FAM107B: variants seen among roughly 807,000 people sequenced by gnomAD.
FAM107B encodes the protein family with sequence similarity 107 member B, also known as protein FAM107B.
A neutral mutation model predicts 31.5 loss-of-function variants in FAM107B; 21 were observed. That is an observed-to-expected ratio of 0.67 (90% CI 0.47 to 0.96). The LOEUF (loss-of-function observed/expected upper bound fraction) is 0.96, where lower values mean the gene tolerates loss of function less well. Among genes scored for constraint, FAM107B ranks in the 40% least tolerant of loss-of-function variants. The pLI is 0.00. For synonymous variants in FAM107B, 157 were observed against 141.5 expected, an observed-to-expected ratio of 1.11 and a Z score of -0.78; for missense variants, 452 against 377.1, an observed-to-expected ratio of 1.20 and a Z score of -1.64.
chr10:14,761,065 T>C (rs1014127946), intron 1 of FAM107B, among the ~76,000 whole-genome samples: 1 of 150,782 alleles, frequency 6.6e-6, no homozygotes, highest in Non-Finnish European at 1.5e-5. Flanking sequence ...CTAGAGGGTG[T>C]TTAATGAGAA....
intron 2 of FAM107B, among the ~76,000 whole-genome samples, chr10:14,581,083 G>A (rs148852795): frequency 2.4e-3 from 371 of 152,340 alleles, no homozygotes; most frequent in African/African-American, 8.4e-3. Flanking sequence ...AGGTTCTAGC[G>A]GCCGGGCCAG....
chr10:14,582,986 TA>T (rs1314355292), intron 2 of FAM107B, among the ~76,000 whole-genome samples: 5 of 149,050 alleles, frequency 3.4e-5, no homozygotes, highest in Non-Finnish European at 7.4e-5. Flanking sequence ...CTTGGGAGGC[TA>T]AGGCAGGAGA....
chr10:14,706,554 T>TA (rs1225931230), intron 1 of FAM107B, among the ~76,000 whole-genome samples: 1 of 152,194 alleles, frequency 6.6e-6, no homozygotes. Flanking sequence ...GGGATGTATG[T>TA]TACATGTATG....
chr10:14,590,943 C>G (rs1851996288), intron 2 of FAM107B, among the ~76,000 whole-genome samples: 2 of 137,582 alleles, frequency 1.5e-5, no homozygotes, highest in South Asian at 4.6e-4. Flanking sequence ...GAGCCGAGAT[C>G]GTTCCACTGC....
At chr10:14,547,077 CA>C (rs1848760971) in intron 2 of FAM107B, among the ~76,000 whole-genome samples, 1 of 152,226 alleles carries the variant, frequency 6.6e-6, no homozygotes, top group Non-Finnish European at 1.5e-5. Flanking sequence ...ATTCCACCTT[CA>C]AATCACCCAG....
intron 2 of FAM107B, among the ~76,000 whole-genome samples, chr10:14,645,287 C>T (rs73589375): frequency 4.3e-4 from 65 of 152,322 alleles, no homozygotes; most frequent in African/African-American, 1.4e-3. Flanking sequence ...TACTGCCTGT[C>T]TCGCATTCTC....
At chr10:14,639,372 G>C (rs1853577567) in intron 2 of FAM107B, among the ~76,000 whole-genome samples, 1 of 151,998 alleles carries the variant, frequency 6.6e-6, no homozygotes, top group South Asian at 2.1e-4. Flanking sequence ...TATCTGTTCT[G>C]GGTACAGTCC....
At chr10:14,544,234 T>C (rs796919640) in intron 2 of FAM107B, among the ~76,000 whole-genome samples, 7 of 152,318 alleles carry the variant, frequency 4.6e-5, no homozygotes, top group African/African-American at 1.7e-4. Flanking sequence ...CTAGCAGCAG[T>C]AGTCACCCAT....
At chr10:14,641,175 T>C (rs1564611322) in intron 2 of FAM107B, among the ~76,000 whole-genome samples, 1 of 152,262 alleles carries the variant, frequency 6.6e-6, no homozygotes, top group Non-Finnish European at 1.5e-5. Flanking sequence ...CTGTAGTTTT[T>C]TTCTTAGGTA....
chr10:14,610,852 C>A (rs1422567816), intron 2 of FAM107B, among the ~76,000 whole-genome samples: 1 of 152,178 alleles, frequency 6.6e-6, no homozygotes, highest in Non-Finnish European at 1.5e-5. Flanking sequence ...GAGTACTTTG[C>A]CAATTCTAGA....
At chr10:14,605,250 C>G (rs1306769670) in intron 2 of FAM107B, among the ~76,000 whole-genome samples, 2 of 152,202 alleles carry the variant, frequency 1.3e-5, no homozygotes, top group East Asian at 1.9e-4. Context: ...TATTCCGCCT[C>G]TTTGCTCTCT....
In FAM107B at chr10:14,575,927, T is replaced by C. The variant is rs541112033; in HGVS notation, c.470-45412A>G. ...TTTTCAGCCTTAAAAAGGAAGGAAA[T>C]TGTCATACATGCTACCACATAGACA... is the stretch of plus-strand genomic sequence containing the variant. On this transcript the variant is annotated intron_variant, in intron 2 of 4. Transcript: ENST00000181796. Among the ~76,000 whole-genome samples, 6 of 152,230 alleles carry C rather than the reference T, an allele frequency of 3.9e-5. No homozygotes were observed. In the East Asian group the frequency reaches 9.7e-4, roughly 24 times the overall value.
chr10:14,688,448 GGCATGCATACACACACAT>G (rs1042183597), intron 1 of FAM107B, among the ~76,000 whole-genome samples: 1 of 151,982 alleles, frequency 6.6e-6, no homozygotes, highest in African/African-American at 2.4e-5. Flanking sequence ...CACACACACA[GGCATGCATACACACACAT>G]GCATGTACAC....
At chr10:14,551,162 T>C (rs895887149) in intron 2 of FAM107B, among the ~76,000 whole-genome samples, 4 of 152,226 alleles carry the variant, frequency 2.6e-5, no homozygotes, top group African/African-American at 9.6e-5. Flanking sequence ...AGTCATTCTC[T>C]ACATTTTGGT....
chr10:14,757,211 T>C (rs989063746), intron 1 of FAM107B, among the ~76,000 whole-genome samples: 1 of 151,888 alleles, frequency 6.6e-6, no homozygotes, highest in African/African-American at 2.4e-5. Flanking sequence ...ACAAAAACCA[T>C]ACAAGTTGCT....
intron 2 of FAM107B, among the ~76,000 whole-genome samples, chr10:14,640,842 T>C (rs1853609407): frequency 1.3e-5 from 2 of 152,198 alleles, no homozygotes; most frequent in South Asian, 4.1e-4. Context: ...CAAAGGATAT[T>C]GGCACACTGC....
intron 1 of FAM107B, among the ~76,000 whole-genome samples, chr10:14,753,755 A>G (rs1215623671): frequency 6.6e-6 from 1 of 152,084 alleles, no homozygotes; most frequent in Non-Finnish European, 1.5e-5. Flanking sequence ...CTGTTTCTCA[A>G]AGAAGAGAAG....
rs980947331 is a variant in FAM107B, at chr10:14,637,177, C to T, written c.469+30457G>A. Among the ~76,000 whole-genome samples, 5 of 152,208 alleles carry T rather than the reference C, an allele frequency of 3.3e-5. No homozygotes were observed. The East Asian group carries it at 5.8e-4, about 18-fold the overall frequency. ...GTCATTCCTCAAGGTCTCGGCTTCA[C>T]GAGGGTCTTATTTCTAACACCATGC... On this transcript the variant is annotated intron_variant, in intron 2 of 4. Transcript: ENST00000181796.
chr10:14,629,518 TA>T (rs1490059901), intron 2 of FAM107B, among the ~76,000 whole-genome samples: 5 of 114,380 alleles, frequency 4.4e-5, no homozygotes, highest in African/African-American at 1.5e-4. Flanking sequence ...TATATATATA[TA>T]TATTTTTTTT....
Sources: allele counts gnomAD v4.1 joint callset (sites outside exome capture counted in the v4.1 genomes callset), GRCh38; gene constraint gnomAD v4.1.1; transcripts MANE v1.5; gene names NCBI Gene and HGNC (gene_info 2026-07-23, HGNC 2026-07-21).